SLCO3A1: variants seen among roughly 807,000 people sequenced by gnomAD.
SLCO3A1 encodes the protein solute carrier organic anion transporter family member 3A1.
SLCO3A1 carries 27 observed loss-of-function variants against 63.1 expected under a neutral mutation model. The ratio of observed to expected loss-of-function variants is 0.43; its 90% CI spans 0.32 to 0.59. The LOEUF (loss-of-function observed/expected upper bound fraction) is 0.59, where lower values mean the gene tolerates loss of function less well. Ranked by LOEUF, SLCO3A1 falls within the 20% of genes least tolerant of loss-of-function variation. SLCO3A1 has a pLI of 0.09. For missense variants in SLCO3A1, 773 were observed against 945.8 expected (o/e 0.82, Z 2.40); for synonymous variants, 473 against 409.9 (o/e 1.15, Z -1.86).
At chr15:91,899,329 T>G (rs919446906) in intron 1 of SLCO3A1, among the ~76,000 whole-genome samples, 1 of 152,196 alleles carries the variant, frequency 6.6e-6, no homozygotes, top group African/African-American at 2.4e-5. Flanking sequence ...CCTCTGTGCT[T>G]TGGTAAACTA....
intron 2 of SLCO3A1, among the ~76,000 whole-genome samples, chr15:92,076,119 C>A (rs918639708): frequency 6.6e-6 from 1 of 152,218 alleles, no homozygotes; most frequent in African/African-American, 2.4e-5. Context: ...GTCATGTCAG[C>A]AAGCGGCCGT....
At chr15:91,963,418 G>GGGGGGC (rs1374411021) in intron 2 of SLCO3A1, among the ~76,000 whole-genome samples, 7 of 130,584 alleles carry the variant, frequency 5.4e-5, no homozygotes, top group Non-Finnish European at 9.8e-5. Context: ...TGGGGGGGGG[G>GGGGGGC]GGCGGCAGCA....
At chr15:92,161,626 CTA>C (rs1447851324) in intron 9 of SLCO3A1, 4 of 152,234 alleles carry the variant, frequency 2.6e-5, no homozygotes, top group African/African-American at 9.7e-5. Context: ...TCCATTTAAA[CTA>C]TATGTGTATA....
rs565210385 is a variant in SLCO3A1, at chr15:92,145,871, G to A, written c.1513-1113G>A. ...TAAAAGCCCCTGTTGGGGGCACAGC[G>A]ATACAGACTGACCCTGTTGGGTTTG... is the stretch of plus-strand genomic sequence containing the variant. On this transcript the variant is annotated intron_variant, in intron 7 of 9. Coordinates refer to ENST00000318445, the MANE Select transcript of SLCO3A1 (RefSeq NM_013272.4). Among the ~76,000 whole-genome samples, 6 of 152,238 alleles carry A rather than the reference G, an allele frequency of 3.9e-5. No homozygotes were observed. The East Asian group carries it at 7.8e-4, about 20-fold the overall frequency.
intron 9 of SLCO3A1, 104 bp downstream of exon 9, chr15:92,151,118 C>G (rs1287758098): frequency 1.3e-5 from 11 of 849,346 alleles, no homozygotes; most frequent in Non-Finnish European, 2.0e-5. Context: ...TCTCTTTTTT[C>G]TTTGCAGTTT....
At chr15:92,092,605 GGT>G (rs981643005) in intron 2 of SLCO3A1, among the ~76,000 whole-genome samples, 1 of 152,006 alleles carries the variant, frequency 6.6e-6, no homozygotes, top group African/African-American at 2.4e-5. Context: ...GAATCTCTCT[GGT>G]CTAGTGTGGG....
At chr15:92,074,503 A>G (rs1376992004) in intron 2 of SLCO3A1, among the ~76,000 whole-genome samples, 1 of 152,232 alleles carries the variant, frequency 6.6e-6, no homozygotes, top group African/African-American at 2.4e-5. Context: ...GGACCTCACC[A>G]GGTGATCTGC....
At chr15:91,981,159 G>A (rs986702875) in intron 2 of SLCO3A1, among the ~76,000 whole-genome samples, 1 of 152,136 alleles carries the variant, frequency 6.6e-6, no homozygotes, top group Non-Finnish European at 1.5e-5. Context: ...GGCCAGGCTG[G>A]GGTGGGATGA....
At chr15:92,049,073 G>A (rs1212725700) in intron 2 of SLCO3A1, among the ~76,000 whole-genome samples, 1 of 152,174 alleles carries the variant, frequency 6.6e-6, no homozygotes, top group African/African-American at 2.4e-5. Flanking sequence ...ATTCCAGGCT[G>A]GTCTGACGTC....
intron 2 of SLCO3A1, among the ~76,000 whole-genome samples, chr15:92,027,009 G>C (rs903323903): frequency 1.5e-4 from 23 of 151,602 alleles, no homozygotes; most frequent in Admixed American, 2.6e-4. Context: ...AGAATCACTT[G>C]AACCCAGGAG....
intron 2 of SLCO3A1, among the ~76,000 whole-genome samples, chr15:91,983,675 ACT>A (rs2046015011): frequency 1.3e-5 from 2 of 152,098 alleles, no homozygotes; most frequent in Admixed American, 6.5e-5. Context: ...GGGGACTGTA[ACT>A]CTGTGAAAAT....
At chr15:92,020,150 C>A (rs1483352209) in intron 2 of SLCO3A1, among the ~76,000 whole-genome samples, 2 of 152,120 alleles carry the variant, frequency 1.3e-5, no homozygotes, top group Non-Finnish European at 2.9e-5. Context: ...AAGTTTTTTA[C>A]CAGCCAAGTA....
At chr15:92,093,386 G>C (rs1049068541) in intron 2 of SLCO3A1, among the ~76,000 whole-genome samples, 9 of 152,162 alleles carry the variant, frequency 5.9e-5, no homozygotes, top group African/African-American at 1.9e-4. Context: ...AACTGAGTGA[G>C]AGCACACCCA....
chr15:92,048,625 C>T (rs753702171), intron 2 of SLCO3A1, among the ~76,000 whole-genome samples: 5 of 152,076 alleles, frequency 3.3e-5, no homozygotes, highest in African/African-American at 4.8e-5. Context: ...GGAGGTAACC[C>T]GTCCTCTCCC....
Position 91,886,028 on chromosome 15 carries a change from C to G in SLCO3A1, c.181-29965C>G, listed in dbSNP as rs1265758197. ...GCAGAGAGGTGGGTGGAAGACCAGA[C>G]CCGGCAGGCCCCTGTGAGCCACAGG... On this transcript the variant is annotated intron_variant, in intron 1 of 9. Coordinates refer to ENST00000318445, the MANE Select transcript of SLCO3A1 (RefSeq NM_013272.4). This position sits in a 1 kb window ranked among gnomAD's most constrained non-coding sequence, Gnocchi z 4.9. Among the ~76,000 whole-genome samples, 1 of 152,032 alleles carries G rather than the reference C, an allele frequency of 6.6e-6. No homozygotes were observed. Among genetic ancestry groups the G allele is most frequent in the African/African-American group, 2.4e-5 (1 of 41,382 alleles).
chr15:91,893,668 C>A (rs778705341), intron 1 of SLCO3A1, among the ~76,000 whole-genome samples: 24 of 152,144 alleles, frequency 1.6e-4, no homozygotes, highest in Non-Finnish European at 3.2e-4. Flanking sequence ...ACATTCAGAC[C>A]GTACAGTCTT....
At chr15:91,855,715 T>A (rs571905818) in intron 1 of SLCO3A1, among the ~76,000 whole-genome samples, 2 of 152,154 alleles carry the variant, frequency 1.3e-5, no homozygotes, top group South Asian at 4.1e-4. Context: ...AATAAGTACA[T>A]GTATTACAGA....
At chr15:91,887,547 T>C (rs1897757306) in intron 1 of SLCO3A1, among the ~76,000 whole-genome samples, 1 of 152,240 alleles carries the variant, frequency 6.6e-6, no homozygotes, top group African/African-American at 2.4e-5. Flanking sequence ...CATCTTGGCA[T>C]GGCCTGGCAG....
chr15:91,952,061 G>T (rs534371898), intron 2 of SLCO3A1, among the ~76,000 whole-genome samples: 5 of 152,264 alleles, frequency 3.3e-5, no homozygotes, highest in Non-Finnish European at 2.9e-5. Context: ...GTCTCTGATG[G>T]TAGGCATGCT....
Sources: allele counts gnomAD v4.1 joint callset (sites outside exome capture counted in the v4.1 genomes callset), GRCh38; gene constraint gnomAD v4.1.1; non-coding constraint Gnocchi (gnomAD v3.1); transcripts MANE v1.5; gene names NCBI Gene and HGNC (gene_info 2026-07-23, HGNC 2026-07-21).